The following RIMS1 variants were observed in gnomAD, a reference collection of about 807,000 sequenced individuals.
The protein encoded by RIMS1 is regulating synaptic membrane exocytosis 1, also known as regulating synaptic membrane exocytosis protein 1.
Under a neutral mutation model 214.1 loss-of-function variants are expected in RIMS1, and 83 were observed. The observed-to-expected ratio is 0.39, with a 90% confidence interval of 0.32 to 0.47. The LOEUF (loss-of-function observed/expected upper bound fraction) is 0.47, where lower values mean the gene tolerates loss of function less well. Ranked by LOEUF, RIMS1 falls within the 20% of genes least tolerant of loss-of-function variation. The probability of loss-of-function intolerance (pLI) is 0.99; values close to 1 mark genes in which losing one functional copy is unlikely to be tolerated. For missense variants in RIMS1, 2,050 were observed against 2,161.8 expected, an observed-to-expected ratio of 0.95 and a Z score of 1.03; for synonymous variants, 793 against 786.8, an observed-to-expected ratio of 1.01 and a Z score of -0.13.
At chr6:72,350,720 A>G (rs1011551347) in intron 29 of RIMS1, among the ~76,000 whole-genome samples, 6 of 152,158 alleles carry the variant, frequency 3.9e-5, no homozygotes, top group Non-Finnish European at 7.4e-5. Context: ...AAAAGCATTT[A>G]TCTTGCCCTG....
rs1173102796 is a variant in RIMS1, at chr6:72,402,521, C to T, written c.*1807C>T. On this transcript the variant is annotated 3_prime_UTR_variant, in exon 34 of 34. Coordinates refer to ENST00000521978, the MANE Select transcript of RIMS1 (RefSeq NM_014989.7). ...TAGGTTTTAATTCATAGACATACTG[C>T]CTGCACCAAGTGAATTATTTATTAT... 6.6e-6 allele frequency: 1 copy of T among 152,582 alleles called. No homozygotes were observed. The highest frequency in any genetic ancestry group is 6.5e-5 in the Admixed American group (1 of 15,278). 9.5% of individuals were successfully genotyped at this position (152,582 alleles called of 1,614,324 possible).
intron 2 of RIMS1, among the ~76,000 whole-genome samples, chr6:72,094,567 CT>C (rs2030626357): frequency 6.6e-6 from 1 of 152,138 alleles, no homozygotes; most frequent in African/African-American, 2.4e-5. Context: ...AAAATCTGGA[CT>C]ACTATCTGTT....
At chr6:71,892,686 T>C (rs1444729202) in intron 1 of RIMS1, among the ~76,000 whole-genome samples, 1 of 152,192 alleles carries the variant, frequency 6.6e-6, no homozygotes, top group African/African-American at 2.4e-5. Flanking sequence ...ATTTTATTTA[T>C]TAAATAGGCT....
chr6:72,333,037 C>T (rs1048787678), intron 28 of RIMS1, among the ~76,000 whole-genome samples: 2 of 151,792 alleles, frequency 1.3e-5, no homozygotes, highest in Non-Finnish European at 2.9e-5. Flanking sequence ...AAACTTAATC[C>T]AAAAGCATTT....
At chr6:71,928,100 C>A (rs1406503262) in intron 1 of RIMS1, among the ~76,000 whole-genome samples, 1 of 152,098 alleles carries the variant, frequency 6.6e-6, no homozygotes, top group Non-Finnish European at 1.5e-5. Context: ...AAACTCTTTG[C>A]CCTGCCCCAA....
chr6:72,233,756 C>CT lies in RIMS1; in HGVS notation c.1679-12dup. 6.5e-7 allele frequency: 1 copy of CT among 1,544,658 alleles called. No individual in the cohort carries two copies. The highest frequency in any genetic ancestry group is 1.4e-5 in the African/African-American group (1 of 73,394). Reference sequence around the variant, plus strand: ...CTTTAATACCATTACACTTTTCATTCTTTTTGTATTGCACAGGTGATTTGG... The same window carrying CT: ...CTTTAATACCATTACACTTTTCATTCTTTTTTGTATTGCACAGGTGATTTGG... On this transcript the variant is annotated splice_polypyrimidine_tract_variant and intron_variant, in intron 6 of 33. Coordinates refer to ENST00000521978, the MANE Select transcript of RIMS1 (RefSeq NM_014989.7).
chr6:71,953,334 C>T, intron 1 of RIMS1, among the ~76,000 whole-genome samples: 1 of 152,110 alleles, frequency 6.6e-6, no homozygotes, highest in East Asian at 1.9e-4. Context: ...GCTAACATCC[C>T]ATTGTCCAAG....
At chr6:72,097,303 A>T in intron 3 of RIMS1, 141 bp downstream of exon 3, 2 of 707,658 alleles carry the variant, frequency 2.8e-6, no homozygotes, top group Non-Finnish European at 4.8e-6. Context: ...CATTTTGTTC[A>T]TGTCCTTAAT....
chr6:72,072,572 A>G (rs1408334746), intron 2 of RIMS1, among the ~76,000 whole-genome samples: 2 of 152,226 alleles, frequency 1.3e-5, no homozygotes, highest in African/African-American at 2.4e-5. Flanking sequence ...ATGGCGGGGA[A>G]GAAAAATGCT....
intron 19 of RIMS1, chr6:72,262,930 T>C (rs1591108443): frequency 6.2e-6 from 3 of 485,566 alleles, no homozygotes; most frequent in East Asian, 1.6e-4. Context: ...TAATGTACTT[T>C]GTCAATTTCC....
chr6:71,890,490 A>G (rs1382611958), intron 1 of RIMS1, among the ~76,000 whole-genome samples: 22 of 143,866 alleles, frequency 1.5e-4, no homozygotes, highest in Admixed American at 1.5e-3. Context: ...GAGCCAATAT[A>G]TTACATAGGC....
chr6:72,283,399 T>C (rs552819190), intron 23 of RIMS1, among the ~76,000 whole-genome samples: 1 of 152,282 alleles, frequency 6.6e-6, no homozygotes, highest in African/African-American at 2.4e-5. Context: ...AAAAGTAGAA[T>C]AAACTGGGGA....
intron 2 of RIMS1, among the ~76,000 whole-genome samples, chr6:72,018,359 A>G (rs1052779986): frequency 1.3e-5 from 2 of 152,110 alleles, no homozygotes; most frequent in African/African-American, 4.8e-5. Context: ...ATTTACTGAG[A>G]TGGGGACGAC....
rs1383187753 is a variant in RIMS1, at chr6:72,179,823, C to G, written c.720C>G (p.Asp240Glu). The stretch of plus-strand genomic sequence containing the variant: ...CTGCTCCTCCCAGCGCACCACCAGA[C>G]AGGAGCAAAGGGGCTGAGCCCTCGC... ...QDAAPPSAPP[D>E]RSKGAEPSQQ... Residue 240 changes from aspartate (D) to glutamate (E), a missense_variant, in exon 5 of 34, where the codon GAC becomes GAG. By Grantham distance (45) the Asp-to-Glu change is conservative. This residue lies in a region of RIMS1 where 882 missense variants were observed against 828.9 expected (regional missense o/e 1.06). Transcript: ENST00000521978. The G allele has an allele frequency of 2.5e-6, 4 of 1,613,380 alleles. No individual in the cohort carries two copies. Among genetic ancestry groups the G allele is most frequent in the Non-Finnish European group, 2.5e-6 (3 of 1,179,534 alleles).
At chr6:72,216,010 CAA>C (rs2055833820) in intron 6 of RIMS1, among the ~76,000 whole-genome samples, 1 of 152,112 alleles carries the variant, frequency 6.6e-6, no homozygotes, top group Non-Finnish European at 1.5e-5. Context: ...TTTTCTAAAA[CAA>C]AGTAGAAGCA....
intron 29 of RIMS1, among the ~76,000 whole-genome samples, chr6:72,334,974 A>G (rs946005065): frequency 2.0e-5 from 3 of 151,934 alleles, no homozygotes; most frequent in African/African-American, 7.2e-5. Context: ...GTTCCTTTAC[A>G]GTAAGTATAA....
chr6:72,165,678 T>C (rs2046155785), intron 4 of RIMS1, among the ~76,000 whole-genome samples: 1 of 152,180 alleles, frequency 6.6e-6, no homozygotes, highest in Non-Finnish European at 1.5e-5. Context: ...AGGCAGATTA[T>C]TTTAATTCAA....
chr6:72,347,502 T>C (rs1489300788), intron 29 of RIMS1, among the ~76,000 whole-genome samples: 1 of 151,896 alleles, frequency 6.6e-6, no homozygotes, highest in African/African-American at 2.4e-5. Context: ...ATTTTAATAA[T>C]TTAACTTATG....
intron 2 of RIMS1, among the ~76,000 whole-genome samples, chr6:72,074,972 A>G (rs754115658): frequency 3.9e-5 from 6 of 152,190 alleles, no homozygotes; most frequent in Non-Finnish European, 7.3e-5. Context: ...AAAAATTAAG[A>G]CATCAAATCT....
Sources: gnomAD v4.1 joint callset for allele counts (sites outside exome capture counted in the v4.1 genomes callset) on GRCh38, gnomAD v4.1.1 for gene constraint, gnomAD v4.1.1 regional missense constraint, MANE v1.5 for transcripts, NCBI Gene and HGNC (gene_info 2026-07-23, HGNC 2026-07-21) for gene names.